The following ABCB1 variants were observed in gnomAD, a reference collection of about 807,000 sequenced individuals.
The protein encoded by ABCB1 is ATP binding cassette subfamily B member 1, also known as ATP-dependent translocase ABCB1.
A neutral mutation model predicts 142.0 loss-of-function variants in ABCB1; 69 were observed. That is an observed-to-expected ratio of 0.49 (90% CI 0.40 to 0.59). The LOEUF (loss-of-function observed/expected upper bound fraction) is 0.59, where lower values mean the gene tolerates loss of function less well. ABCB1 is among the 20% of genes least tolerant of loss of function. The pLI, the probability that ABCB1 is intolerant of heterozygous loss-of-function variation, is 0.00. For synonymous variants in ABCB1, 532 were observed against 539.2 expected, an observed-to-expected ratio of 0.99 and a Z score of 0.18; for missense variants, 1,326 against 1,554.7, an observed-to-expected ratio of 0.85 and a Z score of 2.47.
intron 1 of ABCB1, among the ~76,000 whole-genome samples, chr7:87,626,269 T>C (rs548512570): frequency 2.1e-5 from 1 of 48,384 alleles, no homozygotes; most frequent in African/African-American, 1.1e-4. Context: ...GTGTCATATA[T>C]GTGTCATATA....
chr7:87,687,213 C>T (rs2130624141), intron 1 of ABCB1, among the ~76,000 whole-genome samples: 1 of 152,150 alleles, frequency 6.6e-6, no homozygotes, highest in East Asian at 1.9e-4. Flanking sequence ...CTGTTCTCTA[C>T]CCTTATCAGT....
chr7:87,583,828 A>G (rs1414373917), intron 4 of ABCB1, among the ~76,000 whole-genome samples: 2 of 152,214 alleles, frequency 1.3e-5, no homozygotes, highest in Non-Finnish European at 2.9e-5. Context: ...GAAGTCATTA[A>G]AAAGTGAGCA....
At chr7:87,583,156 C>A (rs1818589257) in intron 4 of ABCB1, among the ~76,000 whole-genome samples, 1 of 152,130 alleles carries the variant, frequency 6.6e-6, no homozygotes, top group African/African-American at 2.4e-5. Flanking sequence ...TTGATAATAA[C>A]AGTAACTAAT....
At chr7:87,590,731 G>T (rs1004747288) in intron 3 of ABCB1, among the ~76,000 whole-genome samples, 1 of 152,230 alleles carries the variant, frequency 6.6e-6, no homozygotes, top group African/African-American at 2.4e-5. Context: ...ACAGAGGTCA[G>T]ATATGTAGGG....
rs1045179699 is a variant in ABCB1, at chr7:87,577,451, G to C, written c.287-7228C>G. On this transcript the variant is annotated intron_variant, in intron 4 of 27. Transcript: ENST00000622132. ...AGCAGAGGGATAACTGGATCATATG[G>C]TAGTTTAATTTTCCATTTTTTGAGG... Among the ~76,000 whole-genome samples the C allele has an allele frequency of 2.6e-5, 4 of 152,074 alleles. No individual in the cohort carries two copies. In the East Asian group the frequency reaches 7.7e-4, roughly 29 times the overall value.
chr7:87,655,272 A>T (rs961466600), intron 1 of ABCB1, among the ~76,000 whole-genome samples: 7 of 152,148 alleles, frequency 4.6e-5, no homozygotes, highest in African/African-American at 7.2e-5. Context: ...CTCTACTCCC[A>T]TGTTCATTGC....
At chr7:87,564,857 C>T (rs1817723396) in intron 7 of ABCB1, among the ~76,000 whole-genome samples, 1 of 152,124 alleles carries the variant, frequency 6.6e-6, no homozygotes, top group African/African-American at 2.4e-5. Context: ...GACATCAAAA[C>T]ATTTTAAGTA....
At position 87,520,881 on chromosome 7, in the gene ABCB1, AACAG is replaced by A; in HGVS notation, c.2686-9_2686-6del. 6.2e-7 allele frequency: 1 copy of A among 1,611,572 alleles called. No individual in the cohort carries two copies. Among genetic ancestry groups the A allele is most frequent in the Non-Finnish European group, 8.5e-7 (1 of 1,177,796 alleles). On this transcript the variant is annotated splice_polypyrimidine_tract_variant and splice_region_variant and intron_variant, in intron 21 of 27. Coordinates refer to ENST00000622132, the MANE Select transcript of ABCB1 (RefSeq NM_001348946.2). ...TTCTATTGCTTCAGTAGCGATCTGT[AACAG>A]ACAGCACCGATCACCAAGAGGCACA...
In ABCB1 at chr7:87,615,089, G is replaced by A. The variant is rs963607627; in HGVS notation, c.-330-14011C>T. Among the ~76,000 whole-genome samples, 10 of 151,984 alleles carry A rather than the reference G, an allele frequency of 6.6e-5. No homozygotes were observed. In the East Asian group the frequency reaches 9.6e-4, roughly 15 times the overall value. On this transcript the variant is annotated intron_variant, in intron 1 of 28. Transcript: ENST00000265724. The stretch of plus-strand genomic sequence containing the variant: ...CTTGATCTCCTGACCCGCCCGCCTC[G>A]GCCTCCCAAAGTGATGGAATTACAG...
chr7:87,541,934 C>T (rs1333081714), intron 17 of ABCB1, among the ~76,000 whole-genome samples: 1 of 152,172 alleles, frequency 6.6e-6, no homozygotes, highest in Admixed American at 6.5e-5. Context: ...CTTGAGCCTG[C>T]CTTCTTGGTA....
chr7:87,529,106 A>C (rs915029527), intron 21 of ABCB1, among the ~76,000 whole-genome samples: 2 of 152,196 alleles, frequency 1.3e-5, no homozygotes, highest in Non-Finnish European at 2.9e-5. Context: ...GAGAGGTCAG[A>C]ATGACTTCTG....
intron 7 of ABCB1, among the ~76,000 whole-genome samples, chr7:87,561,782 T>G (rs28381864): frequency 0.012 from 1,829 of 152,222 alleles, 16 homozygotes; most frequent in Non-Finnish European, 0.017. Flanking sequence ...GCCCAGGAAT[T>G]CTAGACCAGC....
At chr7:87,627,619 TAGTGAGA>T (rs1442690712) in intron 1 of ABCB1, 1 of 152,132 alleles carries the variant, frequency 6.6e-6, no homozygotes, top group Non-Finnish European at 1.5e-5. Flanking sequence ...AAACGGTGGG[TAGTGAGA>T]AGCTCTAGGA....
intron 2 of ABCB1, among the ~76,000 whole-genome samples, chr7:87,599,052 T>C (rs1819328767): frequency 6.6e-6 from 1 of 152,242 alleles, no homozygotes; most frequent in South Asian, 2.1e-4. Context: ...AAATTTCTAA[T>C]TCAAACTTAA....
At position 87,549,993 on chromosome 7, in the gene ABCB1, C is replaced by A; in HGVS notation, c.1412G>T (p.Gly471Val). ...CAATACAGGTTCCTGACTCACCACA[C>A]CAATGATTTCCCGTAGAAACCTTAC... The part of the protein sequence containing the change: ...INVRFLREII[G>V]VVSQEPVLFA... The change falls in exon 13 of 28, where the codon GGT (glycine) becomes GTT (valine). Residue 471 changes from glycine (G) to valine (V), a missense_variant. Gly to Val is a moderately radical substitution (Grantham distance 109). Coordinates refer to ENST00000622132, the MANE Select transcript of ABCB1 (RefSeq NM_001348946.2). The A allele has an allele frequency of 1.2e-6, 2 of 1,614,228 alleles. No homozygotes were observed. The highest frequency in any genetic ancestry group is 1.7e-6 in the Non-Finnish European group (2 of 1,180,026).
intron 27 of ABCB1, among the ~76,000 whole-genome samples, chr7:87,504,783 C>T (rs565751424): frequency 2.7e-4 from 40 of 145,702 alleles, no homozygotes; most frequent in Non-Finnish European, 2.4e-4. Flanking sequence ...CCAGCCTGGG[C>T]GACAGAGCGA....
At chr7:87,705,538 G>A (rs1829506549) in intron 1 of ABCB1, among the ~76,000 whole-genome samples, 1 of 152,154 alleles carries the variant, frequency 6.6e-6, no homozygotes, top group Admixed American at 6.5e-5. Context: ...CCTAACAATA[G>A]AATAAAATAT....
rs189265212 is a variant in ABCB1 at position 87,561,425 on chromosome 7, C to T, written c.703-38G>A. The T allele has an allele frequency of 4.7e-4, 740 of 1,569,424 alleles. 4 individuals are homozygous for T. The highest frequency in any genetic ancestry group is 4.8e-5 in the Non-Finnish European group (55 of 1,146,018). ...ACAATTTTGGATCATGAAAAAAACA[C>T]GTTAATTTTATCTTTTGTAAAGTAA... On this transcript the variant is annotated intron_variant, in intron 7 of 27. Coordinates refer to ENST00000622132, the MANE Select transcript of ABCB1 (RefSeq NM_001348946.2).
chr7:87,522,849 C>T (rs1815579347), intron 21 of ABCB1, among the ~76,000 whole-genome samples: 1 of 151,940 alleles, frequency 6.6e-6, no homozygotes, highest in South Asian at 2.1e-4. Context: ...CTATATTTAG[C>T]TCTATATCAT....
Sources: allele counts gnomAD v4.1 joint callset (sites outside exome capture counted in the v4.1 genomes callset), GRCh38; gene constraint gnomAD v4.1.1; transcripts MANE v1.5; gene names NCBI Gene and HGNC (gene_info 2026-07-23, HGNC 2026-07-21).